The following RTF1 variants were observed in gnomAD, a reference collection of about 807,000 sequenced individuals.
RTF1 encodes RNA polymerase-associated protein RTF1 homolog.
Under a neutral mutation model 95.7 loss-of-function variants are expected in RTF1, and 10 were observed. That is an observed-to-expected ratio of 0.10 (90% CI 0.06 to 0.18). RTF1 has a LOEUF of 0.18. RTF1 is among the 10% of genes least tolerant of loss of function. The pLI is 1.00. For synonymous variants in RTF1, 305 were observed against 311.8 expected, an observed-to-expected ratio of 0.98 and a Z score of 0.23; for missense variants, 458 against 875.6, an observed-to-expected ratio of 0.52 and a Z score of 6.02.
At chr15:41,479,377 C>T (rs368195730) in intron 16 of RTF1, among the ~76,000 whole-genome samples, 179 bp downstream of exon 16, 6 of 152,196 alleles carry the variant, frequency 3.9e-5, no homozygotes, top group East Asian at 3.9e-4. Flanking sequence ...TAATTCCAAA[C>T]CTGACACCAC....
At chr15:41,457,518 T>TC (rs1226105401) in intron 3 of RTF1, among the ~76,000 whole-genome samples, 154 bp from the exon 4 acceptor site, 1 of 151,676 alleles carries the variant, frequency 6.6e-6, no homozygotes, top group Non-Finnish European at 1.5e-5. Flanking sequence ...AGAGCAAAAC[T>TC]CCATCTCAAA....
chr15:41,453,687 A>C (rs888538319), intron 3 of RTF1, among the ~76,000 whole-genome samples: 7 of 151,804 alleles, frequency 4.6e-5, no homozygotes, highest in Non-Finnish European at 1.0e-4. Context: ...TGATCACACC[A>C]CTGCACTCCA....
At chr15:41,462,419 C>G (rs1461313502) in intron 4 of RTF1, among the ~76,000 whole-genome samples, 2 of 152,120 alleles carry the variant, frequency 1.3e-5, no homozygotes, top group Non-Finnish European at 2.9e-5. Flanking sequence ...GGGGTCAAGT[C>G]AGACTCGCTG....
At chr15:41,471,035 T>C in intron 7 of RTF1, 137 bp from the exon 8 acceptor site, 1 of 736,828 alleles carries the variant, frequency 1.4e-6, no homozygotes, top group Non-Finnish European at 2.2e-6. Flanking sequence ...TACAAGTCTT[T>C]GCTGGTGCTT....
chr15:41,468,025 C>T (rs1242798624), intron 6 of RTF1, among the ~76,000 whole-genome samples: 4 of 151,860 alleles, frequency 2.6e-5, no homozygotes, highest in Non-Finnish European at 5.9e-5. Flanking sequence ...ATTAGTCAGG[C>T]GTGGTAGCAC....
At chr15:41,464,195 G>C (rs748094178) in intron 4 of RTF1, among the ~76,000 whole-genome samples, 1 of 150,822 alleles carries the variant, frequency 6.6e-6, no homozygotes, top group South Asian at 2.1e-4. Context: ...TCACTCTGTC[G>C]CCCAGGCTAG....
At chr15:41,470,650 CTTTTTTTT>C (rs58221683) in intron 7 of RTF1, among the ~76,000 whole-genome samples, 1,088 of 75,474 alleles carry the variant, frequency 0.014, 14 homozygotes, top group African/African-American at 0.052. Context: ...CATTCATTTT[CTTTTTTTT>C]TTTTTTTTTT....
At position 41,481,652 on chromosome 15, in the gene RTF1, C is replaced by G. The variant is rs556750698; in HGVS notation, c.*965C>G. On this transcript the variant is annotated 3_prime_UTR_variant, in exon 18 of 18. Coordinates refer to ENST00000389629, the MANE Select transcript of RTF1 (RefSeq NM_015138.5). The stretch of plus-strand genomic sequence containing the variant: ...ATGGGTACAGCCCACAGCTTCTTGG[C>G]TGAACGTAGAACTTCTTTTTCTCAC... 6.6e-6 allele frequency: 1 copy of G among 152,544 alleles called. No individual in the cohort carries two copies. The highest frequency in any genetic ancestry group is 1.5e-5 in the Non-Finnish European group (1 of 68,060). The allele number at this position is 152,544 out of a possible 1,614,324, so 9.4% of individuals were successfully genotyped here.
At chr15:41,439,289 C>T (rs2050720943) in intron 2 of RTF1, among the ~76,000 whole-genome samples, 1 of 152,066 alleles carries the variant, frequency 6.6e-6, no homozygotes, top group Admixed American at 6.6e-5. Context: ...CCACCTTGGC[C>T]TCCCAAAGTG....
chr15:41,467,532 T>C (rs570736254), intron 6 of RTF1, among the ~76,000 whole-genome samples: 8 of 150,856 alleles, frequency 5.3e-5, no homozygotes, highest in Non-Finnish European at 1.2e-4. Context: ...CTGGCAAACA[T>C]GGTGAAACCC....
At position 41,464,871 on chromosome 15, in the gene RTF1, A is replaced by T; in HGVS notation, c.763A>T (p.Ile255Phe). ...GCAAGAAAAGAAAAAACTGACACAG[A>T]TTCAAGAATCTCAGGTAGGAGATTC... ...EEQEKKKLTQ[I>F]QESQVTSHNK... Residue 255 changes from isoleucine to phenylalanine, a missense_variant, in exon 5 of 18, where the codon ATT becomes TTT. Ile to Phe is a conservative substitution (Grantham distance 21). Coordinates refer to ENST00000389629, the MANE Select transcript of RTF1 (RefSeq NM_015138.5). 1 of 1,530,924 alleles carries T rather than the reference A, an allele frequency of 6.5e-7. No homozygotes were observed. Among genetic ancestry groups the T allele is most frequent in the East Asian group, 2.4e-5 (1 of 40,918 alleles). 94.8% of individuals were successfully genotyped at this position (1,530,924 alleles called of 1,614,324 possible).
At chr15:41,418,784 C>CAAAAAAAAAAAAAAAA (rs753790136) in intron 1 of RTF1, among the ~76,000 whole-genome samples, 1 of 52,840 alleles carries the variant, frequency 1.9e-5, no homozygotes, top group Non-Finnish European at 4.3e-5. Context: ...AACTCCATCA[C>CAAAAAAAAAAAAAAAA]AAAAAAAAAA....
chr15:41,422,217 G>GT (rs140058956), intron 1 of RTF1, among the ~76,000 whole-genome samples: 6,047 of 152,082 alleles, frequency 0.04, 379 homozygotes, highest in African/African-American at 0.14. Context: ...TGTATTTTCA[G>GT]TAGAGACGCT....
chr15:41,473,924 C>G (rs2050928836), intron 8 of RTF1, among the ~76,000 whole-genome samples: 1 of 152,086 alleles, frequency 6.6e-6, no homozygotes, highest in Admixed American at 6.6e-5. Flanking sequence ...GTAGTCCCGG[C>G]TACTTGGGCG....
At chr15:41,418,837 G>T (rs2050585506) in intron 1 of RTF1, among the ~76,000 whole-genome samples, 1 of 151,212 alleles carries the variant, frequency 6.6e-6, no homozygotes, top group Admixed American at 6.6e-5. Context: ...AGGCATAAAA[G>T]GGGAGGACTT....
chr15:41,470,166 T>C (rs2050902687), intron 6 of RTF1, 91 bp from the exon 7 acceptor site: 1 of 1,372,972 alleles, frequency 7.3e-7, no homozygotes, highest in South Asian at 1.3e-5. Context: ...AGCTGTGTAT[T>C]TGAGTCCTCT....
chr15:41,446,023 G>A (rs2050759014), intron 2 of RTF1, among the ~76,000 whole-genome samples: 1 of 152,016 alleles, frequency 6.6e-6, no homozygotes, highest in Non-Finnish European at 1.5e-5. Flanking sequence ...GCACAGGTGT[G>A]AGCCACCACA....
chr15:41,480,686 G>A lies in RTF1; in HGVS notation c.2132G>A (p.Ter711=). Residue 711 remains the stop codon, a stop_retained_variant, in exon 18 of 18, where the codon TGA becomes TAA. Coordinates refer to ENST00000389629, the MANE Select transcript of RTF1 (RefSeq NM_015138.5). ...TACAAAAAACGACGAGGGCTTATTT[G>A]AGCACACCCAGCCTGCTGCTTCTGA... ...EDYKKRRGLI[*] is the part of the protein sequence containing the mutation. The A allele has an allele frequency of 6.2e-7, 1 of 1,608,482 alleles. No individual in the cohort carries two copies. The highest frequency in any genetic ancestry group is 2.2e-5 in the East Asian group (1 of 44,832).
At chr15:41,476,933 A>G (rs767892574) in intron 12 of RTF1, among the ~76,000 whole-genome samples, 24 of 152,256 alleles carry the variant, frequency 1.6e-4, no homozygotes, top group Admixed American at 7.2e-4. Flanking sequence ...TACTGCCACC[A>G]GGGACCCACA....
Sources: gnomAD v4.1 joint callset for allele counts (sites outside exome capture counted in the v4.1 genomes callset) on GRCh38, gnomAD v4.1.1 for gene constraint, MANE v1.5 for transcripts, NCBI Gene and HGNC (gene_info 2026-07-23, HGNC 2026-07-21) for gene names.